The following TMED3 variants were observed in gnomAD, a reference collection of about 807,000 sequenced individuals.
TMED3 encodes transmembrane emp24 domain-containing protein 3.
Under a neutral mutation model 15.0 loss-of-function variants are expected in TMED3, and 9 were observed. The ratio of observed to expected loss-of-function variants is 0.60; its 90% CI spans 0.36 to 1.04. The LOEUF (loss-of-function observed/expected upper bound fraction) is 1.04, where lower values mean the gene tolerates loss of function less well. Ranked by LOEUF, TMED3 falls within the 50% of genes least tolerant of loss-of-function variation. The pLI, the probability that TMED3 is intolerant of heterozygous loss-of-function variation, is 0.01. For missense variants in TMED3, 267 were observed against 278.9 expected (o/e 0.96, Z 0.30); for synonymous variants, 117 against 121.4 (o/e 0.96, Z 0.24).
chr15:79,383,099 A>G (rs1381042793), intron 2 of TMED3: 1 of 1,409,328 alleles, frequency 7.1e-7, no homozygotes, highest in Non-Finnish European at 9.7e-7. Flanking sequence ...TTGCCTGTAG[A>G]TCGCCAGGTA....
At chr15:79,364,710 G>A (rs1434224814) in intron 2 of TMED3, among the ~76,000 whole-genome samples, 1 of 151,712 alleles carries the variant, frequency 6.6e-6, no homozygotes, top group East Asian at 2.0e-4. Context: ...ACACCGAGAG[G>A]AGTTCAGCTG....
chr15:79,326,760 G>C (rs2058788923), downstream of TMED3, among the ~76,000 whole-genome samples: 1 of 152,310 alleles, frequency 6.6e-6, no homozygotes, highest in East Asian at 1.9e-4. Context: ...GAGTCCTGTG[G>C]GTGGAGCCCT....
chr15:79,327,654 C>T (rs1019773603), downstream of TMED3, among the ~76,000 whole-genome samples: 2 of 152,144 alleles, frequency 1.3e-5, no homozygotes, highest in Non-Finnish European at 2.9e-5. Context: ...TCACACGCAC[C>T]CAAAAAAACA....
At chr15:79,326,790 C>T (rs143196331), downstream of TMED3, among the ~76,000 whole-genome samples, 2 of 152,206 alleles carry the variant, frequency 1.3e-5, no homozygotes, top group East Asian at 1.9e-4. Flanking sequence ...GATTAGTGCT[C>T]TTATAAAAGA....
rs959587013 is a variant in TMED3 at position 79,322,497 on chromosome 15, T to A, written c.*283T>A. The A allele has an allele frequency of 3.2e-6, 4 of 1,239,492 alleles. No individual in the cohort carries two copies. The Admixed American group carries it at 1.6e-4, about 50-fold the overall frequency. The allele number at this position is 1,239,492 out of a possible 1,614,324, so 76.8% of individuals were successfully genotyped here. A position where few individuals can be genotyped will look rare whatever the true frequency, so the allele number is the denominator to read the frequency against. ...CTGTGGGAGGGTGGACAGGCAATGG[T>A]TCAGTGGCCTGGCTGTTGGCAGGAA... is the stretch of plus-strand genomic sequence containing the variant. On this transcript the variant is annotated 3_prime_UTR_variant, in exon 3 of 3. Transcript: ENST00000299705.
chr15:79,343,226 C>T (rs1182058949), intron 2 of TMED3, among the ~76,000 whole-genome samples: 3 of 152,148 alleles, frequency 2.0e-5, no homozygotes, highest in African/African-American at 4.8e-5. Context: ...ACCTCCATCA[C>T]CAAGACACTC....
chr15:79,324,108 A>G (rs961740452), downstream of TMED3, among the ~76,000 whole-genome samples: 13 of 152,104 alleles, frequency 8.5e-5, no homozygotes, highest in Non-Finnish European at 1.9e-4. Context: ...CTCCTGCTTC[A>G]GCCTCCCAAG....
At position 79,406,315 on chromosome 15, in the gene TMED3, C is replaced by T. The variant is rs527787489; in HGVS notation, c.418-5085C>T. 3.3e-5 allele frequency among the ~76,000 whole-genome samples: 5 copies of T among 152,280 alleles called. No homozygotes were observed. The East Asian group carries it at 5.8e-4, about 18-fold the overall frequency. Reference sequence around the variant, plus strand: ...TCCATAGACCCGGAAATGAATGAGACGTCCTGTCAGCTGCTAGAAATAATT... The same window carrying T: ...TCCATAGACCCGGAAATGAATGAGATGTCCTGTCAGCTGCTAGAAATAATT... On this transcript the variant is annotated intron_variant, in intron 2 of 2. Coordinates refer to the TMED3 transcript ENST00000424155.
At chr15:79,377,269 C>CGTGTGT (rs1567035892) in intron 2 of TMED3, among the ~76,000 whole-genome samples, 3 of 77,350 alleles carry the variant, frequency 3.9e-5, no homozygotes, top group African/African-American at 1.2e-4. Flanking sequence ...AGAGTGTGTG[C>CGTGTGT]ATGTGTGTGT....
At chr15:79,365,371 G>GAAAT (rs1045244553) in intron 2 of TMED3, among the ~76,000 whole-genome samples, 3 of 152,194 alleles carry the variant, frequency 2.0e-5, no homozygotes, top group African/African-American at 7.2e-5. Context: ...CCCTCAGGAA[G>GAAAT]AAATTTAGAA....
intron 2 of TMED3, 139 bp downstream of exon 2, chr15:79,314,144 C>A: frequency 1.8e-6 from 2 of 1,108,388 alleles, no homozygotes; most frequent in Non-Finnish European, 2.5e-6. Context: ...TTGTCTCTTT[C>A]TTCATACCTA....
intron 2 of TMED3, among the ~76,000 whole-genome samples, chr15:79,319,938 T>C (rs1362876807): frequency 1.3e-5 from 2 of 152,218 alleles, no homozygotes; most frequent in African/African-American, 4.8e-5. Flanking sequence ...GTGTGACCAC[T>C]GAAGCACAGC....
chr15:79,340,268 C>T (rs1220287192), intron 2 of TMED3, among the ~76,000 whole-genome samples: 1 of 152,200 alleles, frequency 6.6e-6, no homozygotes, highest in African/African-American at 2.4e-5. Context: ...CCATGGTCTC[C>T]ACTCAAGAAG....
intron 2 of TMED3, among the ~76,000 whole-genome samples, chr15:79,336,228 A>G (rs2058826287): frequency 6.6e-6 from 1 of 152,182 alleles, no homozygotes; most frequent in Non-Finnish European, 1.5e-5. Flanking sequence ...GGCATTTCTT[A>G]TACATGAGGT....
intron 2 of TMED3, among the ~76,000 whole-genome samples, chr15:79,346,929 C>T (rs947745378): frequency 6.6e-6 from 1 of 152,110 alleles, no homozygotes; most frequent in African/African-American, 2.4e-5. Flanking sequence ...AGAAGTATTC[C>T]ACAGCTGAAT....
At chr15:79,347,262 G>A (rs960191194) in intron 2 of TMED3, among the ~76,000 whole-genome samples, 2 of 152,042 alleles carry the variant, frequency 1.3e-5, no homozygotes, top group Admixed American at 1.3e-4. Flanking sequence ...TACATAAACA[G>A]AACTAAAGAC....
At chr15:79,406,802 C>T (rs538090547) in intron 2 of TMED3, among the ~76,000 whole-genome samples, 1 of 152,328 alleles carries the variant, frequency 6.6e-6, no homozygotes, top group East Asian at 1.9e-4. Context: ...ATGGGCATTA[C>T]CGTCAATCTC....
chr15:79,349,650 A>G (rs2058884699), intron 2 of TMED3, among the ~76,000 whole-genome samples: 1 of 152,178 alleles, frequency 6.6e-6, no homozygotes, highest in Admixed American at 6.5e-5. Flanking sequence ...AAGGACATGC[A>G]TGTATCACAT....
chr15:79,312,798 A>G (rs917357632), intron 1 of TMED3, among the ~76,000 whole-genome samples: 1 of 152,224 alleles, frequency 6.6e-6, no homozygotes, highest in African/African-American at 2.4e-5. Context: ...GTCATTAATA[A>G]TATATTGTTA....
Sources: gnomAD v4.1 joint callset for allele counts (sites outside exome capture counted in the v4.1 genomes callset) on GRCh38, gnomAD v4.1.1 for gene constraint, MANE v1.5 for transcripts, NCBI Gene and HGNC (gene_info 2026-07-23, HGNC 2026-07-21) for gene names.